PGD: variants seen among roughly 807,000 people sequenced by gnomAD.
The protein encoded by PGD is phosphogluconate dehydrogenase, also known as 6-phosphogluconate dehydrogenase, decarboxylating.
In PGD, 21 loss-of-function variants were observed where a neutral mutation model predicts 60.4. That is an observed-to-expected ratio of 0.35 (90% CI 0.25 to 0.50). The LOEUF (loss-of-function observed/expected upper bound fraction) is 0.50. PGD is among the 20% of genes least tolerant of loss of function. PGD has a pLI of 0.98. For missense variants in PGD, 477 were observed against 613.1 expected (o/e 0.78, Z 2.34); for synonymous variants, 230 against 235.9 (o/e 0.97, Z 0.23).
At chr1:10,411,664 G>A (rs1032518627) in intron 7 of PGD, 112 bp downstream of exon 7, 2 of 1,199,074 alleles carry the variant, frequency 1.7e-6, no homozygotes, top group East Asian at 2.4e-5. Context: ...TGGCCTGCAT[G>A]GACTCAGCCT....
Position 10,413,094 on chromosome 1 carries a change from C to T in PGD, c.687C>T (p.Asp229=), listed in dbSNP as rs1237478649. 2 of 1,613,932 alleles carry T rather than the reference C, an allele frequency of 1.2e-6. No individual in the cohort carries two copies. Among genetic ancestry groups the T allele is most frequent in the African/African-American group, 2.7e-5 (2 of 74,924 alleles). Residue 229 remains aspartate, a synonymous_variant, in exon 8 of 13, where the codon GAC becomes GAT. Transcript: ENST00000270776. ...AGGATTGGAATAAGACAGAGCTAGA[C>T]TCATTCCTGATTGAAATCACAGCCA... ...AFEDWNKTEL[D]SFLIEITANI... is the part of the protein sequence containing the mutation.
intron 3 of PGD, 87 bp from the exon 4 acceptor site, chr1:10,402,984 G>A (rs1639340336): frequency 9.7e-6 from 9 of 931,164 alleles, no homozygotes; most frequent in African/African-American, 1.6e-5. Context: ...TTTAGACTAT[G>A]TTTATTTGGA....
chr1:10,399,231 G>A (rs1639266601), intron 1 of PGD, 106 bp downstream of exon 1: 6 of 1,329,828 alleles, frequency 4.5e-6, no homozygotes, highest in Middle Eastern at 2.3e-4. Context: ...CCTGGGGGTC[G>A]CCTGAGCTCA....
chr1:10,411,672 C>A, intron 7 of PGD, 120 bp downstream of exon 7: 1 of 1,130,360 alleles, frequency 8.8e-7, no homozygotes, highest in Non-Finnish European at 1.3e-6. Context: ...ATGGACTCAG[C>A]CTAATTTGAG....
chr1:10,411,083 T>C (rs1412835833), intron 6 of PGD, among the ~76,000 whole-genome samples: 1 of 150,188 alleles, frequency 6.7e-6, no homozygotes, highest in Non-Finnish European at 1.5e-5. Context: ...TTCTTGTGGG[T>C]GGGGGCTGGG....
At position 10,418,860 on chromosome 1, in the gene PGD, C is replaced by T. The variant is rs865839083; in HGVS notation, c.1144C>T (p.Arg382Ter). The change falls in exon 11 of 13, where the codon CGA (arginine) becomes TGA (stop). Residue 382 changes from arginine (R) to a stop codon, truncating the protein, a stop_gained. Transcript: ENST00000270776. LOFTEE classifies it high-confidence loss of function. Reference sequence around the variant, plus strand: ...AGGAAAGATAAAGGATGCATTTGATCGAAACCCGGAACTTCAGAACCTCCT... The same window carrying T: ...AGGAAAGATAAAGGATGCATTTGATTGAAACCCGGAACTTCAGAACCTCCT... ...FLGKIKDAFD[R>*]NPELQNLLLD... 6.2e-7 allele frequency: 1 copy of T among 1,610,064 alleles called. No individual in the cohort carries two copies.
At position 10,399,066 on chromosome 1, in the gene PGD, C is replaced by G. The variant is rs1250559145; in HGVS notation, c.-52C>G. The G allele has an allele frequency of 1.2e-6, 2 of 1,608,028 alleles. No homozygotes were observed. The highest frequency in any genetic ancestry group is 1.7e-5 in the Admixed American group (1 of 59,968). The stretch of plus-strand genomic sequence containing the variant: ...GGAGGGAGCCGCTGCGGGTCTTTCC[C>G]TCACTCGTCCTCCGCGCGTCGCCGC... On this transcript the variant is annotated 5_prime_UTR_variant, in exon 1 of 13. Transcript: ENST00000270776.
At position 10,418,980 on chromosome 1, in the gene PGD, T is replaced by C. The variant is rs1639643821; in HGVS notation, c.1209+55T>C. Reference sequence around the variant, plus strand: ...ACTCTACCTCCCTGGGGCCATCAGTTGTGATGTTTGGTTTTTTGTTTTTTT... The same window carrying C: ...ACTCTACCTCCCTGGGGCCATCAGTCGTGATGTTTGGTTTTTTGTTTTTTT... On this transcript the variant is annotated intron_variant, in intron 11 of 12. Transcript: ENST00000270776. 1.0e-5 allele frequency: 10 copies of C among 987,956 alleles called. No homozygotes were observed. In the East Asian group the frequency reaches 2.4e-4, roughly 24 times the overall value. The allele number at this position is 987,956 out of a possible 1,614,324, so 61.2% of individuals were successfully genotyped here.
At chr1:10,419,294 G>A in intron 11 of PGD, 123 bp from the exon 12 acceptor site, 1 of 1,349,218 alleles carries the variant, frequency 7.4e-7, no homozygotes, top group Non-Finnish European at 1.0e-6. Flanking sequence ...TGGGATGACA[G>A]GCGTGAGCCA....
At chr1:10,400,225 A>C (rs933089565) in intron 2 of PGD, among the ~76,000 whole-genome samples, 168 bp from the exon 3 acceptor site, 2 of 152,098 alleles carry the variant, frequency 1.3e-5, no homozygotes, top group Non-Finnish European at 2.9e-5. Flanking sequence ...CATCCTACTG[A>C]GGTGACATAA....
chr1:10,405,319 C>T (rs1275355204), intron 5 of PGD, among the ~76,000 whole-genome samples: 2 of 150,978 alleles, frequency 1.3e-5, no homozygotes, highest in South Asian at 2.1e-4. Flanking sequence ...GTTAGTGAGC[C>T]GAGATCGCGC....
At position 10,405,351 on chromosome 1, in the gene PGD, C is replaced by G. The variant is rs939644048; in HGVS notation, c.449+1072C>G. On this transcript the variant is annotated intron_variant, in intron 5 of 12. Coordinates refer to ENST00000270776, the MANE Select transcript of PGD (RefSeq NM_002631.4). ...GCGCCACTGCACTTCACCCTGGCGACAGAGTGAGAGTTTGTTTCAAAAACA... is the reference window on the plus strand; with the variant it reads ...GCGCCACTGCACTTCACCCTGGCGAGAGAGTGAGAGTTTGTTTCAAAAACA... Among the ~76,000 whole-genome samples the G allele has an allele frequency of 2.7e-5, 4 of 150,666 alleles. No individual in the cohort carries two copies. The East Asian group carries it at 7.9e-4, about 30-fold the overall frequency.
chr1:10,400,839 C>T (rs983199790), intron 3 of PGD, among the ~76,000 whole-genome samples: 1 of 152,148 alleles, frequency 6.6e-6, no homozygotes, highest in African/African-American at 2.4e-5. Context: ...CCTGTAATCC[C>T]AGCACTTTTT....
At chr1:10,414,248 G>A (rs1181479052) in intron 8 of PGD, among the ~76,000 whole-genome samples, 1 of 152,112 alleles carries the variant, frequency 6.6e-6, no homozygotes, top group East Asian at 1.9e-4. Context: ...CTGCCCACTT[G>A]TTTTATATCT....
intron 4 of PGD, 104 bp from the exon 5 acceptor site, chr1:10,404,057 A>G (rs2102387302): frequency 2.5e-6 from 2 of 794,128 alleles, no homozygotes; most frequent in Non-Finnish European, 4.2e-6. Flanking sequence ...TTCCTATCTT[A>G]TACTTCCTCT....
In PGD at chr1:10,400,394, T is replaced by C. The variant is rs1426055996; in HGVS notation, c.86T>C (p.Val29Ala). 1 of 1,611,510 alleles carries C rather than the reference T, an allele frequency of 6.2e-7. No homozygotes were observed. Among genetic ancestry groups the C allele is most frequent in the Non-Finnish European group, 8.5e-7 (1 of 1,178,290 alleles). The change falls in exon 3 of 13, where the codon GTC (valine) becomes GCC (alanine). Residue 29 changes from valine (V) to alanine (A), a missense_variant and splice_region_variant. Val to Ala is a moderately conservative substitution (Grantham distance 64). Coordinates refer to ENST00000270776, the MANE Select transcript of PGD (RefSeq NM_002631.4). ...ILNMNDHGFV[V>A]CAFNRTVSKV... ...TACTCAGGACTTTTGTCCTTCTAGGTCTGTGCTTTTAATAGGACTGTCTCC... is the reference window on the plus strand; with the variant it reads ...TACTCAGGACTTTTGTCCTTCTAGGCCTGTGCTTTTAATAGGACTGTCTCC...
intron 3 of PGD, among the ~76,000 whole-genome samples, chr1:10,402,616 G>T (rs1306954558): frequency 6.6e-6 from 1 of 151,384 alleles, no homozygotes; most frequent in Non-Finnish European, 1.5e-5. Flanking sequence ...TCCACCTCCC[G>T]GGTTCACGCC....
intron 8 of PGD, among the ~76,000 whole-genome samples, chr1:10,413,904 CA>C (rs35827044): frequency 0.083 from 10,514 of 127,270 alleles, 637 homozygotes; most frequent in African/African-American, 0.19. Context: ...GACTTCGTCT[CA>C]AAAAAAAAAA....
chr1:10,417,317 G>A (rs951134636), intron 9 of PGD, 59 bp from the exon 10 acceptor site: 3 of 1,540,418 alleles, frequency 1.9e-6, no homozygotes, highest in Admixed American at 1.9e-5. Flanking sequence ...AAGACTGGTA[G>A]ACATAAGGCG....
Sources: allele counts gnomAD v4.1 joint callset (sites outside exome capture counted in the v4.1 genomes callset), GRCh38; gene constraint gnomAD v4.1.1; transcripts MANE v1.5; gene names NCBI Gene and HGNC (gene_info 2026-07-23, HGNC 2026-07-21).